FERMT1: variants seen among roughly 807,000 people sequenced by gnomAD.
FERMT1 encodes the protein fermitin family homolog 1.
A neutral mutation model predicts 85.3 loss-of-function variants in FERMT1; 60 were observed. The ratio of observed to expected loss-of-function variants is 0.70; its 90% CI spans 0.57 to 0.87. The LOEUF is 0.87. Among genes scored for constraint, FERMT1 ranks in the 40% least tolerant of loss-of-function variants. FERMT1 has a pLI of 0.00. For synonymous variants in FERMT1, 275 were observed against 301.1 expected (o/e 0.91, Z 0.90); for missense variants, 701 against 818.9 (o/e 0.86, Z 1.76).
chr20:6,081,648 G>A lies in FERMT1; in HGVS notation c.1719-2071C>T, dbSNP rs576317288. ...GGAAGCAAGGAATTGGAGGTAGTAGGTACGTACAATACATTCAAGAAGTTT... is the reference window on the plus strand; with the variant it reads ...GGAAGCAAGGAATTGGAGGTAGTAGATACGTACAATACATTCAAGAAGTTT... On this transcript the variant is annotated intron_variant, in intron 13 of 14. Coordinates refer to ENST00000217289, the MANE Select transcript of FERMT1 (RefSeq NM_017671.5). 5.3e-5 allele frequency among the ~76,000 whole-genome samples: 8 copies of A among 152,260 alleles called. No individual in the cohort carries two copies. The East Asian group carries it at 1.5e-3, about 29-fold the overall frequency.
chr20:6,109,902 C>CAAAAAAAA (rs11436082), intron 5 of FERMT1, among the ~76,000 whole-genome samples: 1 of 123,606 alleles, frequency 8.1e-6, no homozygotes. Flanking sequence ...AACTCCATCT[C>CAAAAAAAA]AAAAAAAAAA....
intron 9 of FERMT1, 110 bp from the exon 10 acceptor site, chr20:6,089,199 G>T: frequency 4.5e-6 from 5 of 1,102,278 alleles, no homozygotes; most frequent in Non-Finnish European, 6.7e-6. Context: ...AACACACTTT[G>T]TTTTTTCAAA....
intron 14 of FERMT1, among the ~76,000 whole-genome samples, chr20:6,078,092 CTT>C (rs1981883538): frequency 6.6e-6 from 1 of 152,348 alleles, no homozygotes; most frequent in Non-Finnish European, 1.5e-5. Flanking sequence ...GACTTAGAGA[CTT>C]TGCTGGTTCA....
chr20:6,107,669 C>A (rs1982837268), intron 5 of FERMT1, 35 bp from the exon 6 acceptor site: 3 of 1,127,424 alleles, frequency 2.7e-6, no homozygotes, highest in South Asian at 2.5e-5. Flanking sequence ...AGAAGCCAGT[C>A]AATTTTACAT....
intron 12 of FERMT1, among the ~76,000 whole-genome samples, 165 bp from the exon 13 acceptor site, chr20:6,084,329 AC>A (rs1268623005): frequency 1.3e-5 from 2 of 152,206 alleles, no homozygotes; most frequent in Admixed American, 6.5e-5. Flanking sequence ...TCTACAAGAT[AC>A]AACAATCACT....
Position 6,116,404 on chromosome 20 carries a change from T to A in FERMT1, c.152-360A>T, listed in dbSNP as rs1222689549. On this transcript the variant is annotated intron_variant, in intron 2 of 14. Transcript: ENST00000217289. Reference sequence around the variant, plus strand: ...TAAAAAATTAAATCAAATAAAAAAATTTAAAGATAAAATAATTAAAAAAGA... The same window carrying A: ...TAAAAAATTAAATCAAATAAAAAAAATTAAAGATAAAATAATTAAAAAAGA... Among the ~76,000 whole-genome samples the A allele has an allele frequency of 2.6e-5, 4 of 151,660 alleles. No homozygotes were observed. The South Asian group carries it at 8.3e-4, about 32-fold the overall frequency.
At chr20:6,112,916 C>T (rs1343477559) in intron 3 of FERMT1, among the ~76,000 whole-genome samples, 1 of 152,114 alleles carries the variant, frequency 6.6e-6, no homozygotes, top group African/African-American at 2.4e-5. Flanking sequence ...TATAATGTCC[C>T]CTTCATGGGC....
chr20:6,103,010 A>G (rs1272864083), intron 6 of FERMT1, among the ~76,000 whole-genome samples: 1 of 152,116 alleles, frequency 6.6e-6, no homozygotes, highest in Non-Finnish European at 1.5e-5. Flanking sequence ...ACTGAACACT[A>G]AAATACTATG....
chr20:6,082,540 G>T (rs6117072), intron 13 of FERMT1, among the ~76,000 whole-genome samples: 1 of 152,020 alleles, frequency 6.6e-6, no homozygotes, highest in South Asian at 2.1e-4. Context: ...ACGACTCCGC[G>T]CTTCCTCACT....
intron 3 of FERMT1, among the ~76,000 whole-genome samples, chr20:6,114,777 C>T (rs765488118): frequency 2.8e-4 from 43 of 152,342 alleles, no homozygotes; most frequent in African/African-American, 9.9e-4. Context: ...TACCAGCCCC[C>T]ACTGCCCAAC....
At chr20:6,103,073 A>G (rs943446854) in intron 6 of FERMT1, among the ~76,000 whole-genome samples, 1 of 152,204 alleles carries the variant, frequency 6.6e-6, no homozygotes, top group African/African-American at 2.4e-5. Context: ...TTTTGAACAC[A>G]TTTAAAAAGG....
Position 6,121,436 on chromosome 20 carries a change from T to C in FERMT1, c.-19+1338A>G, listed in dbSNP as rs541937552. On this transcript the variant is annotated intron_variant, in intron 1 of 14. Coordinates refer to ENST00000217289, the MANE Select transcript of FERMT1 (RefSeq NM_017671.5). ...CGCCCAGCCGTTCCTTATGTTTCTA[T>C]AGTCAGAAGCATGCAACGATGCAAT... Among the ~76,000 whole-genome samples, 215 of 152,362 alleles carry C rather than the reference T, an allele frequency of 1.4e-3. 1 individual carries two copies. Among genetic ancestry groups the C allele is most frequent in the African/African-American group, 4.8e-3 (198 of 41,588 alleles).
chr20:6,113,000 C>T (rs1418703067), intron 3 of FERMT1, among the ~76,000 whole-genome samples: 1 of 152,196 alleles, frequency 6.6e-6, no homozygotes, highest in African/African-American at 2.4e-5. Context: ...CTCCCTCTCC[C>T]CTTTCTTCCT....
At chr20:6,086,113 G>T (rs1397888347) in intron 11 of FERMT1, among the ~76,000 whole-genome samples, 1 of 151,016 alleles carries the variant, frequency 6.6e-6, no homozygotes, top group African/African-American at 2.4e-5. Flanking sequence ...CTGCACTCCA[G>T]CCTGGTGACA....
chr20:6,120,500 G>T (rs1466562715), intron 1 of FERMT1: 1 of 152,178 alleles, frequency 6.6e-6, no homozygotes, highest in Non-Finnish European at 1.5e-5. Flanking sequence ...TGGAACACTG[G>T]AATCCAAATT....
chr20:6,084,695 C>CTT lies in FERMT1; in HGVS notation c.1593+369_1593+370dup, dbSNP rs35916682. Among the ~76,000 whole-genome samples the CTT allele has an allele frequency of 2.3e-3, 332 of 144,282 alleles. 1 individual carries two copies. The highest frequency in any genetic ancestry group is 7.8e-3 in the African/African-American group (306 of 39,174). The allele number at this position is 144,282 out of a possible 152,430, so 94.7% of individuals were successfully genotyped here. On this transcript the variant is annotated intron_variant, in intron 12 of 14. Transcript: ENST00000217289. ...TACTCTTAATTAGATGGAATTACTC[C>CTT]TTTTTTTTTTTTTTCTGAGACACAG... is the stretch of plus-strand genomic sequence containing the variant.
intron 1 of FERMT1, among the ~76,000 whole-genome samples, chr20:6,121,638 T>G (rs1230406956): frequency 6.6e-6 from 1 of 152,208 alleles, no homozygotes; most frequent in Non-Finnish European, 1.5e-5. Context: ...TATCCCTTTT[T>G]CATCCTCTCA....
chr20:6,086,288 A>G (rs1476122956), intron 11 of FERMT1, among the ~76,000 whole-genome samples: 2 of 152,346 alleles, frequency 1.3e-5, no homozygotes, highest in East Asian at 1.9e-4. Context: ...TGATGAAAAA[A>G]ATTAGCTGAT....
chr20:6,101,189 A>G (rs1488687844), intron 6 of FERMT1, among the ~76,000 whole-genome samples: 1 of 152,214 alleles, frequency 6.6e-6, no homozygotes, highest in Non-Finnish European at 1.5e-5. Flanking sequence ...GTTAGTAGAA[A>G]GGTAATTTGG....
Sources: gnomAD v4.1 joint callset for allele counts (sites outside exome capture counted in the v4.1 genomes callset) on GRCh38, gnomAD v4.1.1 for gene constraint, MANE v1.5 for transcripts, NCBI Gene and HGNC (gene_info 2026-07-23, HGNC 2026-07-21) for gene names.